RYR2: variants seen among roughly 807,000 people sequenced by gnomAD.
RYR2 encodes ryanodine receptor 2, also known as cardiac muscle ryanodine receptor-calcium release channel.
In RYR2, 227 loss-of-function variants were observed where a neutral mutation model predicts 601.1. That is an observed-to-expected ratio of 0.38 (90% CI 0.34 to 0.42). The LOEUF (loss-of-function observed/expected upper bound fraction) is 0.42. Ranked by LOEUF, RYR2 falls within the 10% of genes least tolerant of loss-of-function variation. RYR2 has a pLI of 1.00. For synonymous variants in RYR2, 2,223 were observed against 2,175.1 expected (o/e 1.02, Z -0.61); for missense variants, 4,646 against 6,156.5 (o/e 0.75, Z 8.21).
intron 35 of RYR2, among the ~76,000 whole-genome samples, chr1:237,609,145 TCTC>T: frequency 8.6e-6 from 1 of 116,250 alleles, no homozygotes; most frequent in African/African-American, 2.8e-5. Flanking sequence ...CCTCTCTCTC[TCTC>T]TTTTTCTCTT....
chr1:237,832,032 G>A (rs866249280), intron 104 of RYR2, among the ~76,000 whole-genome samples: 6 of 151,962 alleles, frequency 3.9e-5, no homozygotes, highest in African/African-American at 9.7e-5. Context: ...AAGCATAAAT[G>A]TATATATATA....
At chr1:237,331,507 C>CTTT (rs1243555677) in intron 3 of RYR2, among the ~76,000 whole-genome samples, 60 of 150,392 alleles carry the variant, frequency 4.0e-4, no homozygotes, top group African/African-American at 1.4e-3. Context: ...TGAAATTTTT[C>CTTT]TTTTCTTTTT....
intron 23 of RYR2, 126 bp downstream of exon 23, chr1:237,506,940 C>T: frequency 1.2e-6 from 1 of 806,926 alleles, no homozygotes; most frequent in South Asian, 1.6e-5. Flanking sequence ...TTTCCCCCTA[C>T]ACATTAGTTT....
intron 1 of RYR2, among the ~76,000 whole-genome samples, chr1:237,211,049 A>G (rs1682518499): frequency 6.6e-6 from 1 of 152,182 alleles, no homozygotes. Flanking sequence ...GGCCTAATTC[A>G]GTACCATGTT....
At chr1:237,181,019 T>A (rs900172445) in intron 1 of RYR2, among the ~76,000 whole-genome samples, 1 of 152,080 alleles carries the variant, frequency 6.6e-6, no homozygotes, top group South Asian at 2.1e-4. Context: ...AGCCTCACTC[T>A]GTCACCCAGG....
In RYR2 at chr1:237,625,782, T is replaced by C. The variant is rs2148657987; in HGVS notation, c.6144T>C (p.Val2048=). 1 of 1,613,622 alleles carries C rather than the reference T, an allele frequency of 6.2e-7. No individual in the cohort carries two copies. The highest frequency in any genetic ancestry group is 8.5e-7 in the Non-Finnish European group (1 of 1,179,784). The change falls in exon 40 of 105, where the codon GTT becomes GTC. Residue 2048 remains valine, a synonymous_variant. Transcript: ENST00000366574. ...YLKKKQAEKP[V]ESDSKKSSTL... Reference sequence around the variant, plus strand: ...AGAAGAAGCAAGCAGAAAAACCAGTTGAGAGTGACTCCAAAAAGTCCTGTA... The same window carrying C: ...AGAAGAAGCAAGCAGAAAAACCAGTCGAGAGTGACTCCAAAAAGTCCTGTA...
rs944622392 is a variant in RYR2 at position 237,548,494 on chromosome 1, A to G, written c.2970A>G (p.Pro990=). 3 of 1,614,012 alleles carry G rather than the reference A, an allele frequency of 1.9e-6. No individual in the cohort carries two copies. Among genetic ancestry groups the G allele is most frequent in the Non-Finnish European group, 2.5e-6 (3 of 1,179,894 alleles). The change falls in exon 26 of 105, where the codon CCA becomes CCG. Residue 990 remains proline (P), a synonymous_variant. Coordinates refer to ENST00000366574, the MANE Select transcript of RYR2 (RefSeq NM_001035.3). ...PMDLSFIKLT[P]SQEAMVDKLA... ...ACCTGAGCTTTATCAAACTCACCCC[A>G]TCACAAGAAGCAATGGTGGACAAGT...
intron 1 of RYR2, among the ~76,000 whole-genome samples, chr1:237,149,188 G>A (rs1461976732): frequency 1.3e-5 from 2 of 152,150 alleles, no homozygotes; most frequent in Non-Finnish European, 2.9e-5. Flanking sequence ...TTGTTTGAAA[G>A]GTGTCGCTTA....
chr1:237,205,402 A>C (rs373432248), intron 1 of RYR2, among the ~76,000 whole-genome samples: 11 of 152,202 alleles, frequency 7.2e-5, no homozygotes, highest in African/African-American at 2.7e-4. Flanking sequence ...CAGCCGTACA[A>C]GCTGTTTACA....
chr1:237,594,128 G>C (rs1675541694), intron 33 of RYR2, among the ~76,000 whole-genome samples: 1 of 152,184 alleles, frequency 6.6e-6, no homozygotes, highest in Non-Finnish European at 1.5e-5. Context: ...GTGTGGCTTT[G>C]GGTAAGTCAG....
chr1:237,382,553 T>A (rs186581461), intron 8 of RYR2, among the ~76,000 whole-genome samples: 1 of 118,106 alleles, frequency 8.5e-6, no homozygotes, highest in Non-Finnish European at 1.6e-5. Flanking sequence ...CAGGCCCCGG[T>A]GTGTGATGTT....
intron 2 of RYR2, among the ~76,000 whole-genome samples, chr1:237,312,763 G>A (rs1395609032): frequency 6.6e-6 from 1 of 152,152 alleles, no homozygotes; most frequent in Non-Finnish European, 1.5e-5. Context: ...ATGTCATGTG[G>A]TTAGTTTGTA....
chr1:237,141,885 G>A (rs555660762), intron 1 of RYR2, among the ~76,000 whole-genome samples: 2 of 152,290 alleles, frequency 1.3e-5, no homozygotes, highest in African/African-American at 4.8e-5. Flanking sequence ...TCAAGCAGTG[G>A]ACATATGCCC....
At chr1:237,439,528 C>T (rs928925003) in intron 12 of RYR2, among the ~76,000 whole-genome samples, 1 of 151,696 alleles carries the variant, frequency 6.6e-6, no homozygotes, top group Admixed American at 6.6e-5. Flanking sequence ...CCTGTCGTCC[C>T]AGCTACTCGG....
At chr1:237,493,869 G>C (rs547202616) in intron 19 of RYR2, among the ~76,000 whole-genome samples, 141 of 152,158 alleles carry the variant, frequency 9.3e-4, no homozygotes, top group Non-Finnish European at 1.5e-3. Context: ...GCCTTCCAAG[G>C]CACCTAACGT....
intron 80 of RYR2, among the ~76,000 whole-genome samples, chr1:237,751,446 T>C (rs1433249898): frequency 2.0e-5 from 3 of 152,218 alleles, no homozygotes; most frequent in African/African-American, 7.2e-5. Flanking sequence ...CTTTCAGTGG[T>C]ATAGTGTAAA....
intron 80 of RYR2, among the ~76,000 whole-genome samples, chr1:237,746,239 C>T (rs2685289): frequency 0.93 from 142,252 of 152,198 alleles, 66,941 homozygotes; most frequent in Non-Finnish European, 1. Flanking sequence ...TGAAAGGCTA[C>T]TTGTCAGTTT....
intron 10 of RYR2, among the ~76,000 whole-genome samples, chr1:237,415,935 G>C (rs1370619779): frequency 6.6e-6 from 1 of 152,164 alleles, no homozygotes; most frequent in East Asian, 1.9e-4. Context: ...CATTGTTGAT[G>C]TCTTCTGCTA....
chr1:237,587,714 T>A (rs1674684298), intron 29 of RYR2, among the ~76,000 whole-genome samples: 1 of 152,232 alleles, frequency 6.6e-6, no homozygotes, highest in Non-Finnish European at 1.5e-5. Context: ...CATAAATATT[T>A]GTGCATATTA....
Sources: gnomAD v4.1 joint callset for allele counts (sites outside exome capture counted in the v4.1 genomes callset) on GRCh38, gnomAD v4.1.1 for gene constraint, MANE v1.5 for transcripts, NCBI Gene and HGNC (gene_info 2026-07-23, HGNC 2026-07-21) for gene names.